IQCM: variants seen among roughly 807,000 people sequenced by gnomAD.
The protein encoded by IQCM is IQ domain-containing protein M.
In IQCM, 45 loss-of-function variants were observed where a neutral mutation model predicts 57.6. The observed-to-expected ratio is 0.78, with a 90% CI of 0.62 to 1.00. IQCM has a LOEUF of 1.00. Ranked by LOEUF, IQCM falls within the 50% of genes least tolerant of loss-of-function variation. The pLI is 0.00. For missense variants in IQCM, 468 were observed against 511.6 expected, an observed-to-expected ratio of 0.91 and a Z score of 0.82; for synonymous variants, 148 against 158.9, an observed-to-expected ratio of 0.93 and a Z score of 0.51.
At chr4:149,492,767 C>T (rs963309414) in intron 12 of IQCM, among the ~76,000 whole-genome samples, 8 of 152,016 alleles carry the variant, frequency 5.3e-5, no homozygotes, top group East Asian at 1.9e-4. Flanking sequence ...GCAACTTTCA[C>T]GAAGCTTAAA....
At chr4:149,552,243 A>G (rs1290528094) in intron 11 of IQCM, among the ~76,000 whole-genome samples, 1 of 152,168 alleles carries the variant, frequency 6.6e-6, no homozygotes, top group Admixed American at 6.5e-5. Context: ...GATAGTGAGT[A>G]TTTACTGATA....
At chr4:149,481,803 T>G (rs1244218882) in intron 12 of IQCM, among the ~76,000 whole-genome samples, 4 of 147,398 alleles carry the variant, frequency 2.7e-5, no homozygotes, top group Non-Finnish European at 6.0e-5. Flanking sequence ...AAAATTTATG[T>G]GAAGAATGTC....
intron 7 of IQCM, among the ~76,000 whole-genome samples, chr4:149,681,198 A>G (rs1348081449): frequency 6.6e-6 from 1 of 151,256 alleles, no homozygotes; most frequent in Non-Finnish European, 1.5e-5. Flanking sequence ...CCTTGTATAA[A>G]TATTTGCCTA....
intron 12 of IQCM, among the ~76,000 whole-genome samples, chr4:149,455,711 A>ATCCC (rs1376236070): frequency 6.6e-6 from 1 of 152,096 alleles, no homozygotes; most frequent in Non-Finnish European, 1.5e-5. Flanking sequence ...CACCCCTGTA[A>ATCCC]TCCCAATACT....
rs547272076 is a variant in IQCM at position 149,763,542 on chromosome 4, C to T, written c.-48-20803G>A. On this transcript the variant is annotated intron_variant, in intron 2 of 13. Coordinates refer to ENST00000636793, the MANE Select transcript of IQCM (RefSeq NM_001363507.2). ...AATTAGGATAAACTGGTATGTGAAGCCCCCAGAGTATGACTGTTACTACGC... is the reference window on the plus strand; with the variant it reads ...AATTAGGATAAACTGGTATGTGAAGTCCCCAGAGTATGACTGTTACTACGC... Among the ~76,000 whole-genome samples, 18 of 152,132 alleles carry T rather than the reference C, an allele frequency of 1.2e-4. 2 individuals carry two copies. Among genetic ancestry groups the T allele is most frequent in the African/African-American group, 3.9e-4 (16 of 41,508 alleles).
chr4:149,603,021 T>C (rs1754456391), intron 8 of IQCM, among the ~76,000 whole-genome samples: 2 of 152,108 alleles, frequency 1.3e-5, no homozygotes, highest in South Asian at 2.1e-4. Flanking sequence ...ACTACAAATA[T>C]AGTGTACTAC....
intron 2 of IQCM, among the ~76,000 whole-genome samples, chr4:149,796,655 G>T (rs1773143321): frequency 6.6e-6 from 1 of 152,126 alleles, no homozygotes. Context: ...CAGTCATAGT[G>T]GTGGTGGCCA....
chr4:149,642,717 C>T (rs943558172), intron 7 of IQCM, among the ~76,000 whole-genome samples: 2 of 152,062 alleles, frequency 1.3e-5, no homozygotes, highest in Admixed American at 6.6e-5. Flanking sequence ...GAATGACTTT[C>T]GTTTCGCTAT....
chr4:149,421,083 T>A (rs538180729), intron 13 of IQCM, among the ~76,000 whole-genome samples: 20 of 152,014 alleles, frequency 1.3e-4, no homozygotes, highest in Non-Finnish European at 2.6e-4. Flanking sequence ...TGCATATTTT[T>A]AAATTCAGGC....
chr4:149,720,309 G>A (rs1765340976), intron 5 of IQCM, among the ~76,000 whole-genome samples: 1 of 152,106 alleles, frequency 6.6e-6, no homozygotes, highest in South Asian at 2.1e-4. Flanking sequence ...TCCTTATAAT[G>A]TTTTAATATC....
At position 149,612,736 on chromosome 4, in the gene IQCM, A is replaced by T. The variant is rs533138869; in HGVS notation, c.681+8393T>A. Among the ~76,000 whole-genome samples the T allele has an allele frequency of 4.6e-5, 7 of 152,258 alleles. 1 individual carries two copies. The South Asian group carries it at 1.4e-3, about 32-fold the overall frequency. On this transcript the variant is annotated intron_variant, in intron 8 of 13. Coordinates refer to ENST00000636793, the MANE Select transcript of IQCM (RefSeq NM_001363507.2). ...TATAGTTTTTTCAAAGTAAATATCTATGTCATTTTGTCGAAGAGATTCATA... is the reference window on the plus strand; with the variant it reads ...TATAGTTTTTTCAAAGTAAATATCTTTGTCATTTTGTCGAAGAGATTCATA...
intron 7 of IQCM, among the ~76,000 whole-genome samples, chr4:149,666,925 A>T (rs925334276): frequency 8.5e-5 from 13 of 152,162 alleles, no homozygotes; most frequent in African/African-American, 3.1e-4. Context: ...CAGCAGCACC[A>T]GTCAGGGTCT....
chr4:149,719,202 G>T (rs1765237764), intron 5 of IQCM, among the ~76,000 whole-genome samples: 1 of 151,984 alleles, frequency 6.6e-6, no homozygotes, highest in Non-Finnish European at 1.5e-5. Context: ...AAATTAGCTG[G>T]GTGTGGTGGC....
At chr4:149,608,658 A>G (rs1483434493) in intron 8 of IQCM, among the ~76,000 whole-genome samples, 1 of 151,888 alleles carries the variant, frequency 6.6e-6, no homozygotes, top group Non-Finnish European at 1.5e-5. Context: ...TTCCCAAATG[A>G]CTAGTGGGTC....
intron 12 of IQCM, among the ~76,000 whole-genome samples, chr4:149,512,083 G>A (rs973228650): frequency 1.3e-5 from 2 of 152,158 alleles, no homozygotes; most frequent in Non-Finnish European, 2.9e-5. Context: ...CTTTTTAAAA[G>A]GTTAAGTCCA....
chr4:149,742,612 A>C, intron 3 of IQCM, 43 bp downstream of exon 3: 1 of 1,151,444 alleles, frequency 8.7e-7, no homozygotes, highest in Non-Finnish European at 1.1e-6. Flanking sequence ...AAACAGTTGG[A>C]GTGTTATGAC....
At chr4:149,614,856 C>A (rs1180634930) in intron 8 of IQCM, among the ~76,000 whole-genome samples, 1 of 152,208 alleles carries the variant, frequency 6.6e-6, no homozygotes, top group Non-Finnish European at 1.5e-5. Flanking sequence ...TGTTCTAGGG[C>A]ATCCACAAGT....
At chr4:149,394,959 G>A (rs1008862776) in intron 13 of IQCM, among the ~76,000 whole-genome samples, 4 of 151,940 alleles carry the variant, frequency 2.6e-5, no homozygotes, top group Non-Finnish European at 5.9e-5. Flanking sequence ...CTCCAGACAA[G>A]CTTATTTTGT....
intron 13 of IQCM, among the ~76,000 whole-genome samples, chr4:149,416,734 G>A (rs1335246431): frequency 6.6e-6 from 1 of 152,108 alleles, no homozygotes; most frequent in African/African-American, 2.4e-5. Flanking sequence ...GAAATGGCAT[G>A]ATCCAATTCA....
Sources: allele counts gnomAD v4.1 joint callset (sites outside exome capture counted in the v4.1 genomes callset), GRCh38; gene constraint gnomAD v4.1.1; transcripts MANE v1.5; gene names NCBI Gene and HGNC (gene_info 2026-07-23, HGNC 2026-07-21).